The following STK40 variants were observed in gnomAD, a reference collection of about 807,000 sequenced individuals.
The protein encoded by STK40 is serine/threonine-protein kinase 40.
Under a neutral mutation model 47.9 loss-of-function variants are expected in STK40, and 13 were observed. The ratio of observed to expected loss-of-function variants is 0.27; its 90% confidence interval spans 0.18 to 0.43. STK40 has a LOEUF of 0.43. Among genes scored for constraint, STK40 ranks in the 20% least tolerant of loss-of-function variants. STK40 has a pLI of 1.00. For synonymous variants in STK40, 225 were observed against 243.2 expected (o/e 0.93, Z 0.69); for missense variants, 460 against 595.1 (o/e 0.77, Z 2.36).
chr1:36,341,884 ATGG>A lies in STK40; in HGVS notation c.1176_1178del (p.His393del). ...GCTTGGGTACCCAGCTCCGGGCGTC[ATGG>A]ATGGAGCTCTTCTCCTCGGCCAGCA... On this transcript the variant is annotated inframe_deletion, in exon 11 of 11. Coordinates refer to ENST00000373132, the MANE Select transcript of STK40 (RefSeq NM_001282547.2). 1 of 1,614,042 alleles carries A rather than the reference ATGG, an allele frequency of 6.2e-7. No homozygotes were observed. The highest frequency in any genetic ancestry group is 1.7e-5 in the Admixed American group (1 of 60,028).
intron 1 of STK40, among the ~76,000 whole-genome samples, chr1:36,374,639 A>T (rs527351455): frequency 1.3e-5 from 2 of 152,314 alleles, no homozygotes; most frequent in African/African-American, 4.8e-5. Flanking sequence ...CAGACTTACA[A>T]GCTCTTTCTC....
Position 36,343,438 on chromosome 1 carries a change from A to G in STK40, c.1015T>C (p.Ser339Pro). The G allele has an allele frequency of 6.2e-7, 1 of 1,613,270 alleles. No homozygotes were observed. The highest frequency in any genetic ancestry group is 8.5e-7 in the Non-Finnish European group (1 of 1,179,572). Residue 339 changes from serine to proline, a missense_variant, in exon 10 of 11, where the codon TCA (serine) becomes CCA (proline). Physicochemically the swap from Ser to Pro is moderately conservative, Grantham distance 74 (BLOSUM62 -1). Transcript: ENST00000373132. ...SAIIASWQSL[S>P]SLSGPLQVVP... The stretch of plus-strand genomic sequence containing the variant: ...ACTTGCAAAGGCCCACTCAGAGATG[A>G]CAGGGACTGCCTGCAGGGAGGCAGA...
chr1:36,341,589 G>A lies in STK40; in HGVS notation c.*166C>T, dbSNP rs1646647516. 1.7e-5 allele frequency: 12 copies of A among 724,112 alleles called. No individual in the cohort carries two copies. Among genetic ancestry groups the A allele is most frequent in the South Asian group, 1.5e-4 (8 of 53,466 alleles). 44.9% of individuals were successfully genotyped at this position (724,112 alleles called of 1,614,324 possible). A position where few individuals can be genotyped will look rare whatever the true frequency, so the allele number is the denominator to read the frequency against. On this transcript the variant is annotated 3_prime_UTR_variant, in exon 11 of 11. Transcript: ENST00000373132. ...AGCAATCATCCCAAAAGGTAGCTTC[G>A]TGGTACCTCTGCTGACCCCACGTGT...
rs928605596 is a variant in STK40, at chr1:36,340,086, C to T, written c.*1669G>A. 1 of 152,704 alleles carries T rather than the reference C, an allele frequency of 6.5e-6. No individual in the cohort carries two copies. Among genetic ancestry groups the T allele is most frequent in the African/African-American group, 2.4e-5 (1 of 41,470 alleles). The allele number at this position is 152,704 out of a possible 1,614,324, so 9.5% of individuals were successfully genotyped here. A position where few individuals can be genotyped will look rare whatever the true frequency, so the allele number is the denominator to read the frequency against. ...ATAAATATAGAAAAGAGGGCATCCC[C>T]CAGCCCCACAGCACAAGACCCTGGC... On this transcript the variant is annotated 3_prime_UTR_variant, in exon 11 of 11. Coordinates refer to ENST00000373132, the MANE Select transcript of STK40 (RefSeq NM_001282547.2).
intron 1 of STK40, among the ~76,000 whole-genome samples, chr1:36,382,462 A>G (rs1489337878): frequency 1.3e-5 from 2 of 152,192 alleles, no homozygotes; most frequent in African/African-American, 4.8e-5. Context: ...TACAGGCGTT[A>G]GCCACCGCGC....
chr1:36,361,399 A>C (rs1570451801), intron 1 of STK40, 59 bp from the exon 2 acceptor site: 1 of 1,604,674 alleles, frequency 6.2e-7, no homozygotes. Flanking sequence ...CCTTATGCTA[A>C]CCCAGCCTGC....
At chr1:36,363,681 G>A (rs1646874408) in intron 1 of STK40, among the ~76,000 whole-genome samples, 1 of 151,316 alleles carries the variant, frequency 6.6e-6, no homozygotes, top group African/African-American at 2.4e-5. Context: ...TGAGCATGGT[G>A]GCGGGCCCCT....
rs76557563 is a variant in STK40, at chr1:36,368,273, CTA to C, written c.-8-6935_-8-6934del. ...CCTTAATAAACATGTACTACTCATG[CTA>C]TATATATATTTTTTTTCGAGACAGG... On this transcript the variant is annotated intron_variant, in intron 1 of 10. Transcript: ENST00000373132. Among the ~76,000 whole-genome samples, 4 of 151,898 alleles carry C rather than the reference CTA, an allele frequency of 2.6e-5. No individual in the cohort carries two copies. In the South Asian group the frequency reaches 8.3e-4, roughly 32 times the overall value.
In STK40 at chr1:36,344,141, G is replaced by C. The variant is rs1458500368; in HGVS notation, c.863C>G (p.Ala288Gly). Residue 288 changes from alanine to glycine, a missense_variant, in exon 8 of 11, where the codon GCT becomes GGT. By Grantham distance (60) the Ala-to-Gly change is moderately conservative. Coordinates refer to ENST00000373132, the MANE Select transcript of STK40 (RefSeq NM_001282547.2). ...TCACTCAGGAATGGTATACTCGGCA[G>C]CCTTGATCTTGCGGAAGAGCTCCTG... The part of the protein sequence containing the change: ...IPQELFRKIK[A>G]AEYTIPEDGR... 6.2e-7 allele frequency: 1 copy of C among 1,610,546 alleles called. No homozygotes were observed. Among genetic ancestry groups the C allele is most frequent in the Admixed American group, 1.7e-5 (1 of 59,612 alleles).
chr1:36,354,588 T>C (rs1646786041), intron 5 of STK40, among the ~76,000 whole-genome samples, 172 bp from the exon 6 acceptor site: 1 of 152,184 alleles, frequency 6.6e-6, no homozygotes, highest in East Asian at 1.9e-4. Flanking sequence ...TCGCGTGACC[T>C]GCGCGTCTGG....
At chr1:36,385,498 CTG>C (rs1206300247) in intron 1 of STK40, among the ~76,000 whole-genome samples, 3 of 152,212 alleles carry the variant, frequency 2.0e-5, no homozygotes, top group Non-Finnish European at 2.9e-5. Flanking sequence ...GCGGCGGGGA[CTG>C]AAGCTCCCGC....
intron 6 of STK40, among the ~76,000 whole-genome samples, chr1:36,351,516 C>T (rs527801039): frequency 1.6e-4 from 24 of 152,282 alleles, no homozygotes; most frequent in African/African-American, 5.5e-4. Flanking sequence ...TACCCTGCCA[C>T]TCTGGAGCGC....
intron 7 of STK40, among the ~76,000 whole-genome samples, chr1:36,345,991 A>ATATATTTTTTT: frequency 1.5e-4 from 4 of 26,464 alleles, no homozygotes; most frequent in African/African-American, 2.8e-4. Context: ...ATATATATAT[A>ATATATTTTTTT]TTTTTTTTTT....
chr1:36,352,218 A>G (rs751254802), intron 6 of STK40, among the ~76,000 whole-genome samples: 1 of 152,126 alleles, frequency 6.6e-6, no homozygotes, highest in Non-Finnish European at 1.5e-5. Flanking sequence ...AGCAGGCCTC[A>G]TCTCCAGAGA....
At chr1:36,343,718 C>A in intron 9 of STK40, 142 bp downstream of exon 9, 1 of 1,388,302 alleles carries the variant, frequency 7.2e-7, no homozygotes. Context: ...CTATGCCCTC[C>A]CAATCTTGTC....
intron 2 of STK40, among the ~76,000 whole-genome samples, chr1:36,359,669 T>TGAGTGGGGAG (rs1646834928): frequency 6.6e-6 from 1 of 152,218 alleles, no homozygotes; most frequent in Admixed American, 6.5e-5. Context: ...TTAACGAAGC[T>TGAGTGGGGAG]CCGCTGCTCT....
chr1:36,348,621 C>T, intron 7 of STK40, 79 bp downstream of exon 7: 1 of 1,388,496 alleles, frequency 7.2e-7, no homozygotes, highest in African/African-American at 1.4e-5. Context: ...CAGGGCCTGC[C>T]CACAAATTTG....
At chr1:36,342,141 G>A in intron 10 of STK40, 168 bp from the exon 11 acceptor site, 1 of 660,986 alleles carries the variant, frequency 1.5e-6, no homozygotes, top group Non-Finnish European at 2.6e-6. Context: ...CTGAGGGTGG[G>A]TCCCTGACCC....
chr1:36,341,657 CG>C lies in STK40; in HGVS notation c.*97del. ...TCCCTGCCCTGTCCCTATTGTGGCCCGGGAGAGTCCAGCACTACAGGGCCCA... is the reference window on the plus strand; with the variant it reads ...TCCCTGCCCTGTCCCTATTGTGGCCCGGAGAGTCCAGCACTACAGGGCCCA... On this transcript the variant is annotated 3_prime_UTR_variant, in exon 11 of 11. Coordinates refer to ENST00000373132, the MANE Select transcript of STK40 (RefSeq NM_001282547.2). The C allele has an allele frequency of 2.5e-5, 36 of 1,452,244 alleles. No individual in the cohort carries two copies. The highest frequency in any genetic ancestry group is 3.4e-5 in the Non-Finnish European group (36 of 1,060,314). The allele number at this position is 1,452,244 out of a possible 1,614,324, so 90.0% of individuals were successfully genotyped here.
Sources: gnomAD v4.1 joint callset for allele counts (sites outside exome capture counted in the v4.1 genomes callset) on GRCh38, gnomAD v4.1.1 for gene constraint, MANE v1.5 for transcripts, NCBI Gene and HGNC (gene_info 2026-07-23, HGNC 2026-07-21) for gene names.